The following CHST9 variants were observed in gnomAD, a reference collection of about 807,000 sequenced individuals.
CHST9 encodes the protein GalNAc-4-sulfotransferase 2.
CHST9 carries 41 observed loss-of-function variants against 44.4 expected under a neutral mutation model. The ratio of observed to expected loss-of-function variants is 0.92; its 90% CI spans 0.72 to 1.20. The LOEUF (loss-of-function observed/expected upper bound fraction) is 1.20, where lower values mean the gene tolerates loss of function less well. CHST9 is among the 50% of genes most tolerant of loss of function. The probability of loss-of-function intolerance (pLI) is 0.00; values close to 1 mark genes in which losing one functional copy is unlikely to be tolerated. For synonymous variants in CHST9, 171 were observed against 178.4 expected (o/e 0.96, Z 0.33); for missense variants, 504 against 516.5 (o/e 0.98, Z 0.23).
chr18:27,148,789 G>C (rs1373885384), intron 1 of CHST9, among the ~76,000 whole-genome samples: 6 of 133,318 alleles, frequency 4.5e-5, no homozygotes, highest in Admixed American at 3.8e-4. Flanking sequence ...AGGATGGCTG[G>C]GTCAAATGGT....
chr18:27,040,735 A>G (rs2057436089), intron 3 of CHST9, among the ~76,000 whole-genome samples: 1 of 152,172 alleles, frequency 6.6e-6, no homozygotes, highest in African/African-American at 2.4e-5. Context: ...GAAGGTTTTA[A>G]GTTGCACAGT....
intron 4 of CHST9, among the ~76,000 whole-genome samples, chr18:26,969,961 A>C (rs2056520670): frequency 6.6e-6 from 1 of 152,066 alleles, no homozygotes; most frequent in Non-Finnish European, 1.5e-5. Context: ...GGTCATCCAG[A>C]CCCTGAAATT....
At chr18:27,173,582 ATTATGTATTGT>A (rs1239035566) in intron 1 of CHST9, among the ~76,000 whole-genome samples, 3 of 152,082 alleles carry the variant, frequency 2.0e-5, no homozygotes, top group Non-Finnish European at 4.4e-5. Context: ...ATATTATCAT[ATTATGTATTGT>A]CTCCTACATT....
intron 2 of CHST9, among the ~76,000 whole-genome samples, chr18:27,141,907 T>A (rs1301160408): frequency 6.6e-6 from 1 of 152,136 alleles, no homozygotes; most frequent in Non-Finnish European, 1.5e-5. Context: ...TCTATGATAT[T>A]CTAAGTTTTT....
chr18:26,995,230 T>TG (rs2056871563), intron 4 of CHST9, among the ~76,000 whole-genome samples: 1 of 142,008 alleles, frequency 7.0e-6, no homozygotes, highest in African/African-American at 2.7e-5. Flanking sequence ...AAGACAATCC[T>TG]GGCTAACACG....
intron 4 of CHST9, among the ~76,000 whole-genome samples, chr18:26,958,258 G>A (rs12326934): frequency 0.13 from 19,396 of 151,884 alleles, 2,785 homozygotes; most frequent in African/African-American, 0.36. Flanking sequence ...CCTGGCTTTT[G>A]TTTTGTCTTT....
intron 1 of CHST9, among the ~76,000 whole-genome samples, chr18:27,183,993 C>A (rs1465870144): frequency 1.3e-5 from 2 of 151,862 alleles, no homozygotes; most frequent in Non-Finnish European, 1.5e-5. Flanking sequence ...TCCTTCAAAC[C>A]GAGAGGAATA....
intron 5 of CHST9, among the ~76,000 whole-genome samples, chr18:26,930,315 A>G (rs2055854275): frequency 6.6e-6 from 1 of 152,212 alleles, no homozygotes; most frequent in South Asian, 2.1e-4. Flanking sequence ...ATTCTGAGAA[A>G]GAATGCAAAG....
At chr18:26,978,285 ATGTG>A (rs35717712) in intron 4 of CHST9, among the ~76,000 whole-genome samples, 15 of 150,218 alleles carry the variant, frequency 1.0e-4, no homozygotes, top group Non-Finnish European at 1.8e-4. Context: ...GAGTGTGTGT[ATGTG>A]TGTGTGTGTG....
intron 4 of CHST9, among the ~76,000 whole-genome samples, chr18:27,023,466 T>C (rs1032585676): frequency 2.6e-5 from 4 of 152,238 alleles, no homozygotes; most frequent in Admixed American, 2.6e-4. Context: ...TTCAATACTA[T>C]TACCTGCCAA....
intron 5 of CHST9, among the ~76,000 whole-genome samples, chr18:26,939,923 T>A (rs939310448): frequency 6.6e-6 from 1 of 152,130 alleles, no homozygotes; most frequent in Non-Finnish European, 1.5e-5. Flanking sequence ...GAAACTATAC[T>A]CACCCACTCC....
At chr18:27,088,596 T>C (rs767281693) in intron 2 of CHST9, among the ~76,000 whole-genome samples, 2 of 152,034 alleles carry the variant, frequency 1.3e-5, no homozygotes, top group African/African-American at 4.8e-5. Flanking sequence ...GGTTTCACCA[T>C]GTTGGCCAGA....
chr18:27,026,766 T>C (rs942133872), intron 3 of CHST9, among the ~76,000 whole-genome samples: 3 of 152,206 alleles, frequency 2.0e-5, no homozygotes, highest in Admixed American at 6.5e-5. Flanking sequence ...CAGAAATTAA[T>C]TGGGTTTGGC....
chr18:27,134,882 G>T (rs1426869), intron 2 of CHST9, among the ~76,000 whole-genome samples: 122,465 of 152,050 alleles, frequency 0.81, 49,636 homozygotes, highest in East Asian at 0.9. Context: ...CAAGAAAAAT[G>T]TAAAAAGTTT....
chr18:27,068,726 C>A (rs930883000), intron 2 of CHST9, among the ~76,000 whole-genome samples: 2 of 152,136 alleles, frequency 1.3e-5, no homozygotes, highest in African/African-American at 4.8e-5. Flanking sequence ...TCATTTTATT[C>A]TTGTGGCCTT....
At chr18:27,094,732 G>A (rs2058100882) in intron 2 of CHST9, among the ~76,000 whole-genome samples, 1 of 152,086 alleles carries the variant, frequency 6.6e-6, no homozygotes, top group African/African-American at 2.4e-5. Context: ...AACCCTCATG[G>A]CAACCTAACA....
intron 1 of CHST9, among the ~76,000 whole-genome samples, chr18:27,170,493 A>C (rs9967454): frequency 0.33 from 49,583 of 152,028 alleles, 8,389 homozygotes; most frequent in East Asian, 0.48. Flanking sequence ...CCCTGACAAA[A>C]GTAGGACACT....
At chr18:27,108,142 C>G (rs116767254) in intron 2 of CHST9, among the ~76,000 whole-genome samples, 1 of 152,064 alleles carries the variant, frequency 6.6e-6, no homozygotes. Flanking sequence ...TGCTGGGACA[C>G]CCACTAATTA....
intron 2 of CHST9, among the ~76,000 whole-genome samples, chr18:27,129,022 T>C (rs1031381210): frequency 1.3e-5 from 2 of 152,162 alleles, no homozygotes; most frequent in Non-Finnish European, 2.9e-5. Flanking sequence ...GCAGGCACAA[T>C]GGCAAATGTT....
Sources: gnomAD v4.1 joint callset for allele counts (sites outside exome capture counted in the v4.1 genomes callset) on GRCh38, gnomAD v4.1.1 for gene constraint, MANE v1.5 for transcripts, NCBI Gene and HGNC (gene_info 2026-07-23, HGNC 2026-07-21) for gene names.